The following VWC2 variants were observed in gnomAD, a reference collection of about 807,000 sequenced individuals.
The protein encoded by VWC2 is von Willebrand factor C domain containing 2.
Under a neutral mutation model 29.8 loss-of-function variants are expected in VWC2, and 14 were observed. The ratio of observed to expected loss-of-function variants is 0.47; its 90% confidence interval spans 0.31 to 0.74. The LOEUF (loss-of-function observed/expected upper bound fraction) is 0.74. VWC2 is among the 30% of genes least tolerant of loss of function. VWC2 has a pLI of 0.05. For missense variants in VWC2, 457 were observed against 459.8 expected, an observed-to-expected ratio of 0.99 and a Z score of 0.05; for synonymous variants, 213 against 199.0, an observed-to-expected ratio of 1.07 and a Z score of -0.59.
chr7:49,829,265 A>G (rs75985254), intron 3 of VWC2, among the ~76,000 whole-genome samples: 7 of 152,250 alleles, frequency 4.6e-5, no homozygotes, highest in African/African-American at 1.7e-4. Flanking sequence ...CTGAACACCA[A>G]TGTGACTTGA....
chr7:49,799,341 G>A (rs943633359), intron 2 of VWC2, among the ~76,000 whole-genome samples: 1 of 152,240 alleles, frequency 6.6e-6, no homozygotes. Flanking sequence ...CTGGATCCTG[G>A]GTAGGGGTCC....
intron 3 of VWC2, among the ~76,000 whole-genome samples, chr7:49,880,603 T>A (rs915374854): frequency 1.3e-5 from 2 of 151,906 alleles, no homozygotes; most frequent in Non-Finnish European, 2.9e-5. Flanking sequence ...ATTTATTTTT[T>A]AATTATACTT....
chr7:49,831,579 C>T (rs987691580), intron 3 of VWC2, among the ~76,000 whole-genome samples: 5 of 152,182 alleles, frequency 3.3e-5, no homozygotes, highest in East Asian at 1.9e-4. Flanking sequence ...AGACACTCCT[C>T]ATACCGAGGG....
intron 3 of VWC2, among the ~76,000 whole-genome samples, chr7:49,838,705 T>C (rs1789723639): frequency 6.6e-6 from 1 of 152,164 alleles, no homozygotes; most frequent in African/African-American, 2.4e-5. Context: ...GACATAGTAA[T>C]AGCTACAATT....
At chr7:49,820,794 CTT>C (rs1789245492) in intron 3 of VWC2, among the ~76,000 whole-genome samples, 1 of 152,218 alleles carries the variant, frequency 6.6e-6, no homozygotes, top group African/African-American at 2.4e-5. Context: ...GCACCTGAAA[CTT>C]ATCAAAAAGA....
At chr7:49,838,144 C>T (rs900107713) in intron 3 of VWC2, among the ~76,000 whole-genome samples, 1 of 152,170 alleles carries the variant, frequency 6.6e-6, no homozygotes, top group South Asian at 2.1e-4. Flanking sequence ...GGCTGTCTTC[C>T]CTATCCCCCC....
chr7:49,909,679 TCAAG>T (rs1241095210), intron 3 of VWC2, among the ~76,000 whole-genome samples: 1 of 152,038 alleles, frequency 6.6e-6, no homozygotes, highest in African/African-American at 2.4e-5. Context: ...AGACTGGAGC[TCAAG>T]CGAGAAAGTA....
At chr7:49,865,631 C>T (rs1790853203) in intron 3 of VWC2, among the ~76,000 whole-genome samples, 1 of 152,182 alleles carries the variant, frequency 6.6e-6, no homozygotes, top group Non-Finnish European at 1.5e-5. Context: ...TTTTGAGACT[C>T]TGTTTGTATA....
intron 3 of VWC2, among the ~76,000 whole-genome samples, chr7:49,843,842 G>A (rs182260973): frequency 6.6e-6 from 1 of 152,316 alleles, no homozygotes; most frequent in East Asian, 1.9e-4. Flanking sequence ...AACGCAATCT[G>A]TCAGTTGTGC....
chr7:49,863,588 T>G (rs1400169158), intron 3 of VWC2, among the ~76,000 whole-genome samples: 2 of 152,076 alleles, frequency 1.3e-5, no homozygotes, highest in African/African-American at 4.8e-5. Flanking sequence ...TGCACCACCA[T>G]GCCCAGATAA....
intron 1 of VWC2, among the ~76,000 whole-genome samples, chr7:49,774,929 G>A (rs945703716): frequency 2.0e-5 from 3 of 152,146 alleles, no homozygotes; most frequent in Non-Finnish European, 4.4e-5. Context: ...CTCCACTGCT[G>A]AATTCTCCAT....
chr7:49,813,966 G>T (rs1260188343), intron 3 of VWC2, among the ~76,000 whole-genome samples: 1 of 152,010 alleles, frequency 6.6e-6, no homozygotes, highest in African/African-American at 2.4e-5. Context: ...CTGGTGAATT[G>T]TTTCCCTACA....
intron 3 of VWC2, among the ~76,000 whole-genome samples, chr7:49,839,059 A>T (rs1010113424): frequency 6.6e-6 from 1 of 152,142 alleles, no homozygotes; most frequent in African/African-American, 2.4e-5. Context: ...GAAGATAAAG[A>T]GACCCCAGAG....
At chr7:49,791,030 G>A (rs1406735036) in intron 2 of VWC2, among the ~76,000 whole-genome samples, 1 of 152,038 alleles carries the variant, frequency 6.6e-6, no homozygotes, top group Admixed American at 6.5e-5. Context: ...TTCAGTTCAG[G>A]CAGAGACCTG....
intron 2 of VWC2, among the ~76,000 whole-genome samples, chr7:49,790,319 C>T (rs555225154): frequency 6.6e-6 from 1 of 152,274 alleles, no homozygotes; most frequent in African/African-American, 2.4e-5. Flanking sequence ...TGTCAGGCTG[C>T]AGTATTCTTA....
intron 2 of VWC2, among the ~76,000 whole-genome samples, chr7:49,797,080 C>T (rs560636265): frequency 1.2e-4 from 18 of 152,140 alleles, no homozygotes; most frequent in Admixed American, 4.6e-4. Flanking sequence ...ATAAACATGT[C>T]TATAAGTATT....
intron 3 of VWC2, among the ~76,000 whole-genome samples, chr7:49,821,010 C>A (rs181015808): frequency 6.6e-6 from 1 of 152,182 alleles, no homozygotes; most frequent in Admixed American, 6.5e-5. Context: ...CCCAGCCCTC[C>A]CCGCCCAGGA....
At chr7:49,878,194 C>G (rs926399873) in intron 3 of VWC2, among the ~76,000 whole-genome samples, 4 of 152,148 alleles carry the variant, frequency 2.6e-5, no homozygotes, top group Non-Finnish European at 5.9e-5. Flanking sequence ...CCCTCTCACA[C>G]TCCTTCTCTT....
intron 3 of VWC2, among the ~76,000 whole-genome samples, chr7:49,851,054 G>A (rs1056469824): frequency 6.6e-6 from 1 of 152,214 alleles, no homozygotes; most frequent in African/African-American, 2.4e-5. Context: ...AGGTCCCACA[G>A]AGTCAGTTTC....
Sources: allele counts gnomAD v4.1 joint callset (sites outside exome capture counted in the v4.1 genomes callset), GRCh38; gene constraint gnomAD v4.1.1; transcripts MANE v1.5; gene names NCBI Gene and HGNC (gene_info 2026-07-23, HGNC 2026-07-21).